The following PCDH11X variants were observed in gnomAD, a reference collection of about 807,000 sequenced individuals.
PCDH11X encodes protocadherin-11 X-linked.
Under a neutral mutation model 53.3 loss-of-function variants are expected in PCDH11X, and 18 were observed. That is an observed-to-expected ratio of 0.34 (90% CI 0.23 to 0.50). The LOEUF (loss-of-function observed/expected upper bound fraction) is 0.50, where lower values mean the gene tolerates loss of function less well. PCDH11X is among the 20% of genes least tolerant of loss of function. PCDH11X has a pLI of 0.98. For synonymous variants in PCDH11X, 279 were observed against 393.3 expected, an observed-to-expected ratio of 0.71 and a Z score of 3.44; for missense variants, 570 against 1,032.4, an observed-to-expected ratio of 0.55 and a Z score of 6.14.
intron 6 of PCDH11X, among the ~76,000 whole-genome samples, chrX:92,110,286 T>C (rs749670288): frequency 1.2e-4 from 13 of 109,291 alleles, no homozygotes; most frequent in Non-Finnish European, 2.3e-4. Flanking sequence ...AATAAAATCT[T>C]AGACTAAGAT....
At chrX:92,298,035 G>A (rs1307137910) in intron 8 of PCDH11X, among the ~76,000 whole-genome samples, 1 of 111,081 alleles carries the variant, frequency 9.0e-6, no homozygotes, top group Non-Finnish European at 1.9e-5. Flanking sequence ...TCAGATCAAG[G>A]AGCTTTTTGA....
intron 6 of PCDH11X, among the ~76,000 whole-genome samples, chrX:92,079,917 C>A (rs1241478225): frequency 1.8e-5 from 2 of 111,945 alleles, no homozygotes; most frequent in Non-Finnish European, 3.8e-5. Flanking sequence ...TCCACATCAT[C>A]TATGGAAACC....
intron 6 of PCDH11X, among the ~76,000 whole-genome samples, chrX:91,927,128 G>T (rs753691180): frequency 1.9e-4 from 21 of 108,673 alleles, no homozygotes; most frequent in African/African-American, 7.0e-4. Context: ...GATAGATAAT[G>T]TGCTAAATAA....
At chrX:92,142,370 G>GCGCACACA (rs1341736624) in intron 6 of PCDH11X, among the ~76,000 whole-genome samples, 3 of 95,571 alleles carry the variant, frequency 3.1e-5, no homozygotes, top group African/African-American at 1.2e-4. Context: ...GTGCGCGCGC[G>GCGCACACA]CACACACACA....
At chrX:92,459,914 T>G in intron 9 of PCDH11X, 1 of 1,178,043 alleles carries the variant, frequency 8.5e-7, no homozygotes, top group Non-Finnish European at 1.1e-6. Flanking sequence ...AAGAAGACCA[T>G]GCAAAGCCTG....
At chrX:92,397,758 G>A in intron 9 of PCDH11X, among the ~76,000 whole-genome samples, 1 of 110,064 alleles carries the variant, frequency 9.1e-6, no homozygotes, top group Non-Finnish European at 1.9e-5. Context: ...CTCAGTTGTT[G>A]GATAAATCAT....
At chrX:92,008,788 TAATGA>T (rs1307828223) in intron 6 of PCDH11X, among the ~76,000 whole-genome samples, 2 of 110,816 alleles carry the variant, frequency 1.8e-5, no homozygotes, top group Admixed American at 9.6e-5. Flanking sequence ...TTATCTTTCT[TAATGA>T]AATAAGTTTT....
chrX:92,549,791 G>A (rs2074923728), intron 10 of PCDH11X, among the ~76,000 whole-genome samples: 1 of 110,977 alleles, frequency 9.0e-6, no homozygotes, highest in South Asian at 3.7e-4. Flanking sequence ...TAATAGAGCA[G>A]CATATGTATT....
chrX:91,915,083 T>G (rs990380770), intron 6 of PCDH11X, among the ~76,000 whole-genome samples: 5 of 105,623 alleles, frequency 4.7e-5, no homozygotes, highest in Non-Finnish European at 9.7e-5. Flanking sequence ...GGGATTGAGG[T>G]CCCATCTTTA....
chrX:92,024,200 A>G (rs766005472), intron 6 of PCDH11X, among the ~76,000 whole-genome samples: 1 of 110,843 alleles, frequency 9.0e-6, no homozygotes, highest in East Asian at 2.9e-4. Context: ...ACGGTATTCA[A>G]ATAGGAAGAG....
chrX:92,114,174 T>C, intron 6 of PCDH11X: 6 of 1,160,871 alleles, frequency 5.2e-6, no homozygotes, highest in Non-Finnish European at 7.0e-6. Context: ...CTTTTAGATC[T>C]AATGCAATCT....
rs755147900 is a variant in PCDH11X at position 91,963,865 on chromosome X, A to G, written c.3033+84592A>G. On this transcript the variant is annotated intron_variant, in intron 6 of 10. Coordinates refer to ENST00000682573, the MANE Select transcript of PCDH11X (RefSeq NM_032968.5). ...TTCTTCACATGGTAACAGCAAGGTGAAGTGCCAAGCGAAACAAGGAAAAGC... is the reference window on the plus strand; with the variant it reads ...TTCTTCACATGGTAACAGCAAGGTGGAGTGCCAAGCGAAACAAGGAAAAGC... Among the ~76,000 whole-genome samples, 268 of 110,240 alleles carry G rather than the reference A, an allele frequency of 2.4e-3. 1 individual carries two copies. The highest frequency in any genetic ancestry group is 8.5e-3 in the African/African-American group (252 of 29,732).
At chrX:92,376,437 A>G (rs1248235388) in intron 8 of PCDH11X, among the ~76,000 whole-genome samples, 1 of 112,246 alleles carries the variant, frequency 8.9e-6, no homozygotes, top group East Asian at 2.8e-4. Flanking sequence ...AAACACACTG[A>G]AGAGATTTGA....
chrX:91,813,112 A>G (rs1936341788), intron 4 of PCDH11X, among the ~76,000 whole-genome samples: 1 of 111,571 alleles, frequency 9.0e-6, no homozygotes, highest in African/African-American at 3.2e-5. Flanking sequence ...AAAATTTCTT[A>G]TTCAACAAGA....
intron 7 of PCDH11X, among the ~76,000 whole-genome samples, chrX:92,216,925 A>C (rs2066730711): frequency 9.2e-6 from 1 of 108,723 alleles, no homozygotes; most frequent in Non-Finnish European, 1.9e-5. Context: ...AGAAATTTCA[A>C]CCCAGAATTT....
At chrX:92,221,710 A>G (rs984053098) in intron 7 of PCDH11X, among the ~76,000 whole-genome samples, 2 of 112,181 alleles carry the variant, frequency 1.8e-5, no homozygotes, top group African/African-American at 6.5e-5. Context: ...GATGTAATCT[A>G]GAGTTAAAAT....
intron 6 of PCDH11X, among the ~76,000 whole-genome samples, chrX:92,192,492 G>A (rs1241229640): frequency 4.6e-5 from 5 of 109,464 alleles, no homozygotes; most frequent in South Asian, 4.0e-4. Context: ...GCAGGCGTGC[G>A]CCAACACGCC....
intron 6 of PCDH11X, among the ~76,000 whole-genome samples, chrX:91,880,371 G>C (rs1939835862): frequency 9.0e-6 from 1 of 110,651 alleles, no homozygotes; most frequent in Non-Finnish European, 1.9e-5. Flanking sequence ...ACCTATTCAG[G>C]CTTAACAAAA....
chrX:91,962,854 C>T (rs1322907407), intron 6 of PCDH11X, among the ~76,000 whole-genome samples: 1 of 111,394 alleles, frequency 9.0e-6, no homozygotes, highest in African/African-American at 3.3e-5. Context: ...TGTAAGCTGC[C>T]AACCCTTGGG....
Sources: gnomAD v4.1 joint callset for allele counts (sites outside exome capture counted in the v4.1 genomes callset) on GRCh38, gnomAD v4.1.1 for gene constraint, MANE v1.5 for transcripts, NCBI Gene and HGNC (gene_info 2026-07-23, HGNC 2026-07-21) for gene names.